Variants in ANKFN1 observed in about 807,000 individuals in gnomAD.
The protein encoded by ANKFN1 is ankyrin repeat and fibronectin type-III domain-containing protein 1.
ANKFN1 carries 74 observed loss-of-function variants against 108.7 expected under a neutral mutation model. That is an observed-to-expected ratio of 0.68 (90% CI 0.56 to 0.83). ANKFN1 has a LOEUF of 0.83. Ranked by LOEUF, ANKFN1 falls within the 40% of genes least tolerant of loss-of-function variation. The pLI is 0.00. For missense variants in ANKFN1, 1,505 were observed against 1,382.3 expected, an observed-to-expected ratio of 1.09 and a Z score of -1.41; for synonymous variants, 547 against 516.2, an observed-to-expected ratio of 1.06 and a Z score of -0.81.
intron 20 of ANKFN1, 74 bp from the exon 21 acceptor site, chr17:56,510,399 C>T: frequency 7.9e-7 from 1 of 1,269,410 alleles, no homozygotes; most frequent in Non-Finnish European, 1.1e-6. Flanking sequence ...GGGTCAAATG[C>T]ACTGTTCCTA....
chr17:56,227,957 T>A lies in ANKFN1; in HGVS notation c.53T>A (p.Ile18Lys), dbSNP rs138804167. 679 of 1,606,344 alleles carry A rather than the reference T, an allele frequency of 4.2e-4. 1 individual carries two copies. The African/African-American group carries it at 7.5e-3, about 18-fold the overall frequency. ...FKDRHFTCSK[I>K]IGRRFACFAQ... ...GACAGGCATTTTACTTGCAGCAAAA[T>A]GTAAGTACATTTCCTCCTTGAAATG... Residue 18 changes from isoleucine to lysine, a missense_variant and splice_region_variant, in exon 3 of 21, where the codon ATA becomes AAA. Ile to Lys is a moderately radical substitution (Grantham distance 102). Transcript: ENST00000682825.
chr17:56,344,037 G>A (rs4435318), intron 4 of ANKFN1, among the ~76,000 whole-genome samples: 120,470 of 151,854 alleles, frequency 0.79, 48,112 homozygotes, highest in East Asian at 0.96. Context: ...CTAATATAAA[G>A]GTCTTTGTGT....
chr17:56,467,783 G>GAGAA (rs1488250298), intron 15 of ANKFN1, among the ~76,000 whole-genome samples: 21 of 22,922 alleles, frequency 9.2e-4, no homozygotes, highest in South Asian at 1.9e-3. Flanking sequence ...AAGAAAGAAA[G>GAGAA]AAAGAAAGAA....
chr17:56,170,774 T>TTTA (rs1555604529), intron 1 of ANKFN1, among the ~76,000 whole-genome samples: 7 of 68,102 alleles, frequency 1.0e-4, no homozygotes, highest in East Asian at 8.5e-4. Context: ...AAAAAATTTT[T>TTTA]TATATATATA....
At chr17:56,075,931 A>G (rs1905175840) in intron 4 of ANKFN1, among the ~76,000 whole-genome samples, 1 of 152,166 alleles carries the variant, frequency 6.6e-6, no homozygotes, top group South Asian at 2.1e-4. Context: ...AAACTTGACG[A>G]CAAGACTGAG....
In ANKFN1 at chr17:56,088,580, T is replaced by C. The variant is rs1164647793; in HGVS notation, c.288+42255T>C. Among the ~76,000 whole-genome samples the C allele has an allele frequency of 2.7e-5, 4 of 150,832 alleles. No individual in the cohort carries two copies. The South Asian group carries it at 8.3e-4, about 31-fold the overall frequency. ...TGCCTCCCCATCCCCCAGTACTGCA[T>C]AGGCCCTGTCTCCAGCCTCCACTCT... is the stretch of plus-strand genomic sequence containing the variant. On this transcript the variant is annotated intron_variant, in intron 4 of 12. Transcript: ENST00000635860.
At chr17:56,409,069 C>T (rs28575381) in intron 8 of ANKFN1, among the ~76,000 whole-genome samples, 3,186 of 147,554 alleles carry the variant, frequency 0.022, 114 homozygotes, top group African/African-American at 0.072. Context: ...AGATTAAAGG[C>T]GCCTGCCACC....
rs1288763536 is a variant in ANKFN1, at chr17:56,457,516, G to T, written c.1440+127G>T. On this transcript the variant is annotated intron_variant, in intron 13 of 20. Coordinates refer to ENST00000682825, the MANE Select transcript of ANKFN1 (RefSeq NM_001370326.1). ...GGGGTAGAAATAAAGTATCTCCAAG[G>T]TCCTTTTCAGCCCTGGTATGCCCTA... 3 of 1,067,900 alleles carry T rather than the reference G, an allele frequency of 2.8e-6. No homozygotes were observed. In the East Asian group the frequency reaches 7.3e-5, roughly 26 times the overall value. 66.2% of individuals were successfully genotyped at this position (1,067,900 alleles called of 1,614,324 possible).
At chr17:56,348,266 C>G (rs915669828) in intron 4 of ANKFN1, among the ~76,000 whole-genome samples, 5 of 152,104 alleles carry the variant, frequency 3.3e-5, no homozygotes, top group Admixed American at 1.3e-4. Flanking sequence ...CATACATACA[C>G]ATTACAGACA....
intron 8 of ANKFN1, among the ~76,000 whole-genome samples, chr17:56,378,286 A>G (rs191098918): frequency 6.6e-6 from 1 of 152,190 alleles, no homozygotes; most frequent in Admixed American, 6.5e-5. Flanking sequence ...CCATTGGGAC[A>G]TTAAAACCCT....
chr17:56,124,507 C>G (rs76069421), intron 4 of ANKFN1, among the ~76,000 whole-genome samples: 85 of 152,308 alleles, frequency 5.6e-4, no homozygotes, highest in African/African-American at 1.9e-3. Context: ...GTTTACTCAG[C>G]CCACTGTTTT....
At chr17:56,389,232 A>C (rs1458887288) in intron 8 of ANKFN1, among the ~76,000 whole-genome samples, 1 of 152,196 alleles carries the variant, frequency 6.6e-6, no homozygotes, top group Non-Finnish European at 1.5e-5. Flanking sequence ...CAACTAAAAA[A>C]CCAAACTATT....
chr17:56,255,261 T>C (rs2043329943), intron 3 of ANKFN1, among the ~76,000 whole-genome samples: 1 of 152,174 alleles, frequency 6.6e-6, no homozygotes, highest in African/African-American at 2.4e-5. Flanking sequence ...GGAGGGAAGA[T>C]TGGTGGCTTG....
intron 4 of ANKFN1, among the ~76,000 whole-genome samples, chr17:56,075,661 C>A (rs978427398): frequency 3.3e-5 from 5 of 152,080 alleles, no homozygotes; most frequent in Non-Finnish European, 5.9e-5. Flanking sequence ...GAAGCAAAAC[C>A]TGATCAAAGG....
rs76214617 is a variant in ANKFN1 at position 56,328,124 on chromosome 17, T to G, written c.188+1769T>G. Among the ~76,000 whole-genome samples the G allele has an allele frequency of 8.6e-3, 1,307 of 152,344 alleles. 10 individuals carry two copies. The highest frequency in any genetic ancestry group is 0.014 in the Non-Finnish European group (960 of 68,026). On this transcript the variant is annotated intron_variant, in intron 4 of 20. Transcript: ENST00000682825. ...TTGATTAGTGATAACTGATTTGCTA[T>G]ACTTACGACCCCAAGATCCCAAAGA... is the stretch of plus-strand genomic sequence containing the variant.
At chr17:56,468,546 C>G (rs2050210368) in intron 15 of ANKFN1, among the ~76,000 whole-genome samples, 1 of 152,080 alleles carries the variant, frequency 6.6e-6, no homozygotes, top group Admixed American at 6.5e-5. Context: ...CAGACAGCCA[C>G]AGAGAGAAGG....
At chr17:56,227,186 A>G (rs1196068344) in intron 2 of ANKFN1, among the ~76,000 whole-genome samples, 1 of 152,108 alleles carries the variant, frequency 6.6e-6, no homozygotes, top group Non-Finnish European at 1.5e-5. Context: ...CTACTACACT[A>G]AAAAGTACCC....
intron 4 of ANKFN1, among the ~76,000 whole-genome samples, chr17:56,111,434 T>A (rs889059773): frequency 4.0e-5 from 6 of 151,740 alleles, no homozygotes; most frequent in Non-Finnish European, 2.9e-5. Context: ...CTTTGAAATA[T>A]GATCATACTG....
chr17:56,052,894 T>G (rs1278006123), intron 4 of ANKFN1, among the ~76,000 whole-genome samples: 2 of 152,158 alleles, frequency 1.3e-5, no homozygotes, highest in Non-Finnish European at 2.9e-5. Flanking sequence ...CACTTGAAAG[T>G]TGTAGGACCA....
Sources: allele counts gnomAD v4.1 joint callset (sites outside exome capture counted in the v4.1 genomes callset), GRCh38; gene constraint gnomAD v4.1.1; transcripts MANE v1.5; gene names NCBI Gene and HGNC (gene_info 2026-07-23, HGNC 2026-07-21).